The following CNBD1 variants were observed in gnomAD, a reference collection of about 807,000 sequenced individuals.
CNBD1 encodes cyclic nucleotide-binding domain-containing protein 1.
In CNBD1, 71 loss-of-function variants were observed where a neutral mutation model predicts 54.4. The observed-to-expected ratio is 1.30, with a 90% CI of 1.08 to 1.59. CNBD1 has a LOEUF of 1.59. CNBD1 is among the 40% of genes most tolerant of loss of function. CNBD1 has a pLI of 0.00. For missense variants in CNBD1, 659 were observed against 518.0 expected (o/e 1.27, Z -2.64); for synonymous variants, 182 against 170.7 (o/e 1.07, Z -0.51).
chr8:87,051,741 G>A (rs1172424584), intron 4 of CNBD1, among the ~76,000 whole-genome samples: 1 of 152,174 alleles, frequency 6.6e-6, no homozygotes, highest in Non-Finnish European at 1.5e-5. Flanking sequence ...GGTGGACCAG[G>A]TGTTCTTTGC....
At chr8:87,180,075 A>G (rs1251451275) in intron 4 of CNBD1, among the ~76,000 whole-genome samples, 1 of 152,204 alleles carries the variant, frequency 6.6e-6, no homozygotes, top group East Asian at 1.9e-4. Context: ...GGAAGCACGA[A>G]GTGAAAACTT....
chr8:87,073,601 A>G (rs1164433244), intron 4 of CNBD1, among the ~76,000 whole-genome samples: 2 of 152,058 alleles, frequency 1.3e-5, no homozygotes, highest in East Asian at 1.9e-4. Context: ...TCCAGACCAT[A>G]GTTGCCTTAG....
At chr8:87,391,622 G>C (rs536770570) in intron 2 of CNBD1, among the ~76,000 whole-genome samples, 1 of 152,054 alleles carries the variant, frequency 6.6e-6, no homozygotes. Context: ...AACAAATCAT[G>C]CTGGGATAAT....
intron 6 of CNBD1, among the ~76,000 whole-genome samples, chr8:87,269,517 C>A (rs1808322760): frequency 6.6e-6 from 1 of 152,014 alleles, no homozygotes; most frequent in Non-Finnish European, 1.5e-5. Context: ...GGCCGTATGG[C>A]CATTTTAACA....
At chr8:87,081,478 T>C (rs1810989160) in intron 4 of CNBD1, among the ~76,000 whole-genome samples, 1 of 151,768 alleles carries the variant, frequency 6.6e-6, no homozygotes, top group South Asian at 2.1e-4. Context: ...TCTGCTGTTA[T>C]TGGGTGGACT....
intron 4 of CNBD1, among the ~76,000 whole-genome samples, chr8:87,034,755 A>T (rs1809871483): frequency 1.3e-5 from 2 of 152,146 alleles, no homozygotes; most frequent in South Asian, 4.1e-4. Context: ...CTGCTTTTTG[A>T]TTTATCACAA....
At chr8:87,406,381 G>A (rs1455737973) in intron 2 of CNBD1, among the ~76,000 whole-genome samples, 1 of 148,004 alleles carries the variant, frequency 6.8e-6, no homozygotes, top group East Asian at 2.1e-4. Flanking sequence ...GCATTAAAAA[G>A]TAACATGTAA....
chr8:86,960,467 G>T (rs1278924874), intron 4 of CNBD1, among the ~76,000 whole-genome samples: 1 of 152,138 alleles, frequency 6.6e-6, no homozygotes, highest in African/African-American at 2.4e-5. Context: ...GGCTTGAGTA[G>T]GTAAACAAAG....
Position 87,244,200 on chromosome 8 carries a change from GA to G in CNBD1, c.771+7089del, listed in dbSNP as rs111701253. ...AAAGGCGGGGACAACCTGAAGTAGGGAGGGGGCTTCCAGGTCACTGGTAGGT... is the reference window on the plus strand; with the variant it reads ...AAAGGCGGGGACAACCTGAAGTAGGGGGGGGCTTCCAGGTCACTGGTAGGT... On this transcript the variant is annotated intron_variant, in intron 6 of 10. Transcript: ENST00000518476. 8.5e-4 allele frequency among the ~76,000 whole-genome samples: 129 copies of G among 152,258 alleles called. 1 individual carries two copies. The highest frequency in any genetic ancestry group is 3.1e-3 in the African/African-American group (127 of 41,554).
At chr8:86,931,478 AT>A (rs71275896) in intron 3 of CNBD1, among the ~76,000 whole-genome samples, 63 of 150,810 alleles carry the variant, frequency 4.2e-4, no homozygotes, top group Non-Finnish European at 7.7e-4. Flanking sequence ...CTCATTGCAC[AT>A]TTTTTTTTAA....
chr8:86,881,572 T>C (rs1023780122), intron 1 of CNBD1, among the ~76,000 whole-genome samples: 1 of 152,026 alleles, frequency 6.6e-6, no homozygotes, highest in Non-Finnish European at 1.5e-5. Context: ...CAGATAAATA[T>C]CATTAAAATG....
At position 87,174,238 on chromosome 8, in the gene CNBD1, G is replaced by T. The variant is rs565156597; in HGVS notation, c.432-31755G>T. Among the ~76,000 whole-genome samples, 384 of 152,184 alleles carry T rather than the reference G, an allele frequency of 2.5e-3. 2 individuals carry two copies. Among genetic ancestry groups the T allele is most frequent in the Non-Finnish European group, 4.1e-3 (277 of 68,012 alleles). On this transcript the variant is annotated intron_variant, in intron 4 of 10. Coordinates refer to ENST00000518476, the MANE Select transcript of CNBD1 (RefSeq NM_173538.3). ...CTCCCAAAGTGTCAGGATTACAGAC[G>T]TGAGCCACCACGCCTGGCCTCTTTT...
chr8:86,879,277 G>A (rs1808568631), intron 1 of CNBD1, among the ~76,000 whole-genome samples: 1 of 152,052 alleles, frequency 6.6e-6, no homozygotes, highest in Non-Finnish European at 1.5e-5. Flanking sequence ...AATAGAAAAT[G>A]GACCCTGTTC....
intron 8 of CNBD1, among the ~76,000 whole-genome samples, chr8:87,323,346 T>G (rs1161452359): frequency 2.2e-5 from 3 of 133,474 alleles, no homozygotes; most frequent in South Asian, 2.4e-4. Flanking sequence ...GTGAAGAAAG[T>G]CATTGGTAGC....
rs1315218584 is a variant in CNBD1, at chr8:87,059,417, G to A, written c.431+119663G>A. ...ACCCTACTTCTGGTACAAATTTACT[G>A]TATTAGTTTCTTCTCATGCTGTTAT... On this transcript the variant is annotated intron_variant, in intron 4 of 10. Coordinates refer to ENST00000518476, the MANE Select transcript of CNBD1 (RefSeq NM_173538.3). Among the ~76,000 whole-genome samples the A allele has an allele frequency of 3.9e-5, 6 of 152,246 alleles. No individual in the cohort carries two copies. The East Asian group carries it at 7.7e-4, about 20-fold the overall frequency.
chr8:87,419,747 G>T (rs1807896341), intron 2 of CNBD1, among the ~76,000 whole-genome samples: 1 of 151,552 alleles, frequency 6.6e-6, no homozygotes, highest in Non-Finnish European at 1.5e-5. Flanking sequence ...TCCCACAAAT[G>T]CCAATTCACT....
At chr8:87,026,500 T>C (rs1182031537) in intron 4 of CNBD1, among the ~76,000 whole-genome samples, 1 of 152,180 alleles carries the variant, frequency 6.6e-6, no homozygotes, top group Non-Finnish European at 1.5e-5. Flanking sequence ...CTATTCTAAA[T>C]TCTGCCTAAT....
intron 4 of CNBD1, among the ~76,000 whole-genome samples, chr8:86,962,064 T>G (rs1356644993): frequency 6.6e-6 from 1 of 152,170 alleles, no homozygotes; most frequent in Non-Finnish European, 1.5e-5. Context: ...TTGAGAGGGA[T>G]ACATCCACTT....
intron 6 of CNBD1, among the ~76,000 whole-genome samples, chr8:87,268,495 G>T: frequency 6.6e-6 from 1 of 151,854 alleles, no homozygotes; most frequent in Non-Finnish European, 1.5e-5. Flanking sequence ...GTTGAATAGT[G>T]GTTCTGTTTT....
Sources: allele counts gnomAD v4.1 joint callset (sites outside exome capture counted in the v4.1 genomes callset), GRCh38; gene constraint gnomAD v4.1.1; transcripts MANE v1.5; gene names NCBI Gene and HGNC (gene_info 2026-07-23, HGNC 2026-07-21).